Variants in C10orf90 observed in about 807,000 individuals in gnomAD.
The protein encoded by C10orf90 is chromosome 10 open reading frame 90.
A neutral mutation model predicts 62.5 loss-of-function variants in C10orf90; 56 were observed. The ratio of observed to expected loss-of-function variants is 0.90; its 90% confidence interval spans 0.72 to 1.12. The LOEUF (loss-of-function observed/expected upper bound fraction) is 1.12, where lower values mean the gene tolerates loss of function less well. C10orf90 is among the 50% of genes most tolerant of loss of function. The probability of loss-of-function intolerance (pLI) is 0.00; values close to 1 mark genes in which losing one functional copy is unlikely to be tolerated. For missense variants in C10orf90, 970 were observed against 880.4 expected (o/e 1.10, Z -1.29); for synonymous variants, 386 against 340.4 (o/e 1.13, Z -1.47).
intron 2 of C10orf90, among the ~76,000 whole-genome samples, chr10:126,549,508 C>T (rs1864579794): frequency 6.6e-6 from 1 of 152,154 alleles, no homozygotes; most frequent in South Asian, 2.1e-4. Flanking sequence ...AAAATAGTGA[C>T]AACACCAAAT....
At chr10:126,535,748 C>CA (rs1057407935) in intron 2 of C10orf90, among the ~76,000 whole-genome samples, 39 of 152,270 alleles carry the variant, frequency 2.6e-4, no homozygotes, top group Admixed American at 5.9e-4. Context: ...CTGCCTTAGC[C>CA]AGCCGAGCTT....
At chr10:126,587,853 A>C (rs1591123877) in intron 2 of C10orf90, among the ~76,000 whole-genome samples, 1 of 152,190 alleles carries the variant, frequency 6.6e-6, no homozygotes, top group Non-Finnish European at 1.5e-5. Flanking sequence ...TGCCTCTAGA[A>C]CCCAGTATAA....
chr10:126,571,227 G>C (rs1274799989), intron 2 of C10orf90, among the ~76,000 whole-genome samples: 1 of 152,262 alleles, frequency 6.6e-6, no homozygotes, highest in South Asian at 2.1e-4. Context: ...TTAGAAGTGA[G>C]TGTAATGCAG....
At position 126,615,951 on chromosome 10, in the gene C10orf90, G is replaced by A. The variant is rs377569901; in HGVS notation, c.313+30614C>T. Among the ~76,000 whole-genome samples, 6 of 152,204 alleles carry A rather than the reference G, an allele frequency of 3.9e-5. No homozygotes were observed. The South Asian group carries it at 8.3e-4, about 21-fold the overall frequency. On this transcript the variant is annotated intron_variant, in intron 2 of 9. Transcript: ENST00000488181. Reference sequence around the variant, plus strand: ...CATCAGGCCACCATCACCTTCACTGGTGTCCAAGGTCTAGGGGATTTGTGA... The same window carrying A: ...CATCAGGCCACCATCACCTTCACTGATGTCCAAGGTCTAGGGGATTTGTGA...
chr10:126,507,336 G>C (rs1288911292), intron 3 of C10orf90, among the ~76,000 whole-genome samples: 1 of 125,298 alleles, frequency 8.0e-6, no homozygotes, highest in African/African-American at 3.3e-5. Context: ...CAGCCTGGGT[G>C]ACAGAGCGAG....
chr10:126,669,579 T>G lies in C10orf90; in HGVS notation c.240+662A>C, dbSNP rs534551426. ...TAAACAGCCGATCAGATTTCATGCG[T>G]GTTTACTTTCTGAAAAGATAACTGC... is the stretch of plus-strand genomic sequence containing the variant. On this transcript the variant is annotated intron_variant, in intron 1 of 9. Coordinates refer to ENST00000488181, the MANE Select transcript of C10orf90 (RefSeq NM_001350921.2). 2.6e-5 allele frequency among the ~76,000 whole-genome samples: 4 copies of G among 152,396 alleles called. No individual in the cohort carries two copies. The East Asian group carries it at 7.7e-4, about 29-fold the overall frequency.
intron 4 of C10orf90, among the ~76,000 whole-genome samples, chr10:126,476,726 T>C (rs114229868): frequency 1.3e-5 from 2 of 152,214 alleles, no homozygotes; most frequent in Non-Finnish European, 2.9e-5. Context: ...GAGTAACTCA[T>C]AAGAAACAAA....
intron 2 of C10orf90, among the ~76,000 whole-genome samples, chr10:126,539,960 T>C (rs1564863325): frequency 6.6e-6 from 1 of 152,208 alleles, no homozygotes; most frequent in Non-Finnish European, 1.5e-5. Context: ...TATAATTATC[T>C]ACCTGTAAAT....
intron 3 of C10orf90, among the ~76,000 whole-genome samples, chr10:126,505,751 T>C (rs1484740302): frequency 6.6e-6 from 1 of 152,070 alleles, no homozygotes; most frequent in African/African-American, 2.4e-5. Context: ...GGTCGTGAGT[T>C]TGAGACCAGC....
At chr10:126,444,042 A>G (rs767307809) in intron 7 of C10orf90, among the ~76,000 whole-genome samples, 1 of 152,060 alleles carries the variant, frequency 6.6e-6, no homozygotes, top group Non-Finnish European at 1.5e-5. Flanking sequence ...TAAAAGCCAC[A>G]TATGAAAACC....
intron 2 of C10orf90, among the ~76,000 whole-genome samples, chr10:126,518,556 AAAAC>A (rs1301755401): frequency 3.3e-5 from 5 of 152,170 alleles, no homozygotes; most frequent in Admixed American, 6.5e-5. Flanking sequence ...ATAGAAAAAA[AAAAC>A]AAACATCATG....
intron 2 of C10orf90, among the ~76,000 whole-genome samples, chr10:126,603,820 A>G (rs1169976341): frequency 3.9e-5 from 6 of 152,194 alleles, no homozygotes; most frequent in Non-Finnish European, 5.9e-5. Context: ...GGTTGAATCA[A>G]TACAAACATT....
At chr10:126,446,264 G>A (rs1333151589) in intron 7 of C10orf90, among the ~76,000 whole-genome samples, 1 of 151,786 alleles carries the variant, frequency 6.6e-6, no homozygotes, top group East Asian at 1.9e-4. Context: ...AGATATAAAC[G>A]TCCAGATACA....
intron 2 of C10orf90, among the ~76,000 whole-genome samples, chr10:126,532,842 CAAAA>C (rs1269013268): frequency 8.3e-5 from 1 of 12,102 alleles, no homozygotes; most frequent in South Asian, 5.4e-3. Context: ...GACTACGTCT[CAAAA>C]AAAAAAAAAA....
rs530347807 is a variant in C10orf90 at position 126,642,380 on chromosome 10, A to G, written c.313+4185T>C. Among the ~76,000 whole-genome samples the G allele has an allele frequency of 8.5e-5, 13 of 152,116 alleles. No homozygotes were observed. The East Asian group carries it at 1.5e-3, about 18-fold the overall frequency. Reference sequence around the variant, plus strand: ...ACCCCGTCTCTACTAAAAATACAAAAAATTAGCCGGGCGTGGTGGCGGGCG... The same window carrying G: ...ACCCCGTCTCTACTAAAAATACAAAGAATTAGCCGGGCGTGGTGGCGGGCG... On this transcript the variant is annotated intron_variant, in intron 2 of 9. Transcript: ENST00000488181.
intron 2 of C10orf90, among the ~76,000 whole-genome samples, chr10:126,611,341 T>C (rs1437504212): frequency 6.6e-6 from 1 of 152,254 alleles, no homozygotes; most frequent in African/African-American, 2.4e-5. Flanking sequence ...CATTCCTTTT[T>C]ATTGCCGGAT....
chr10:126,598,104 A>G (rs1845122085), intron 2 of C10orf90, among the ~76,000 whole-genome samples: 1 of 152,200 alleles, frequency 6.6e-6, no homozygotes, highest in African/African-American at 2.4e-5. Flanking sequence ...GTATATCAGA[A>G]AAGGAAGAAG....
intron 2 of C10orf90, among the ~76,000 whole-genome samples, chr10:126,630,203 G>T (rs1845825228): frequency 6.6e-6 from 1 of 152,132 alleles, no homozygotes; most frequent in Admixed American, 6.5e-5. Flanking sequence ...TTAAATCCCT[G>T]ATGCCCTCGT....
intron 2 of C10orf90, among the ~76,000 whole-genome samples, chr10:126,543,650 C>A (rs1312411593): frequency 6.6e-6 from 1 of 152,202 alleles, no homozygotes; most frequent in Non-Finnish European, 1.5e-5. Context: ...AGCTAATATG[C>A]TTTTGCCTCT....
Sources: allele counts gnomAD v4.1 joint callset (sites outside exome capture counted in the v4.1 genomes callset), GRCh38; gene constraint gnomAD v4.1.1; transcripts MANE v1.5; gene names NCBI Gene and HGNC (gene_info 2026-07-23, HGNC 2026-07-21).